HECTD4: variants seen among roughly 807,000 people sequenced by gnomAD.
HECTD4 encodes probable E3 ubiquitin-protein ligase HECTD4.
Under a neutral mutation model 471.5 loss-of-function variants are expected in HECTD4, and 114 were observed. The observed-to-expected ratio is 0.24, with a 90% CI of 0.21 to 0.28. The LOEUF (loss-of-function observed/expected upper bound fraction) is 0.28, where lower values mean the gene tolerates loss of function less well. Ranked by LOEUF, HECTD4 falls within the 10% of genes least tolerant of loss-of-function variation. The pLI, the probability that HECTD4 is intolerant of heterozygous loss-of-function variation, is 1.00. For synonymous variants in HECTD4, 2,012 were observed against 2,256.0 expected (o/e 0.89, Z 3.07); for missense variants, 3,866 against 5,651.5 (o/e 0.68, Z 10.13).
At chr12:112,207,567 A>T (rs1033570330) in intron 52 of HECTD4, among the ~76,000 whole-genome samples, 5 of 152,220 alleles carry the variant, frequency 3.3e-5, no homozygotes, top group African/African-American at 1.2e-4. Context: ...TCTCAAGTCC[A>T]CACAGCTGGT....
intron 19 of HECTD4, 198 bp from the exon 20 acceptor site, chr12:112,258,794 A>G (rs970743003): frequency 1.2e-5 from 7 of 561,790 alleles, no homozygotes; most frequent in Non-Finnish European, 1.8e-5. Context: ...CATTTATATT[A>G]GCTACTATTA....
chr12:112,181,929 T>G (rs1350144877), intron 62 of HECTD4, among the ~76,000 whole-genome samples: 1 of 151,482 alleles, frequency 6.6e-6, no homozygotes, highest in Non-Finnish European at 1.5e-5. Flanking sequence ...CCGTCTCTAC[T>G]AAAAATACAA....
intron 45 of HECTD4, among the ~76,000 whole-genome samples, chr12:112,219,097 T>TAA (rs934671632): frequency 6.9e-6 from 1 of 144,978 alleles, no homozygotes; most frequent in African/African-American, 2.5e-5. Flanking sequence ...TCTCTAAACT[T>TAA]AAAAAAAAAA....
At chr12:112,219,806 G>T (rs891966959) in intron 44 of HECTD4, among the ~76,000 whole-genome samples, 3 of 151,326 alleles carry the variant, frequency 2.0e-5, no homozygotes, top group Non-Finnish European at 4.4e-5. Context: ...CACCATGTTG[G>T]CCAGGCTGGT....
intron 1 of HECTD4, among the ~76,000 whole-genome samples, chr12:112,323,434 C>A (rs2035625120): frequency 1.3e-5 from 2 of 152,026 alleles, no homozygotes; most frequent in South Asian, 2.1e-4. Context: ...CTTATCAGAT[C>A]TGATGTAATA....
rs759588454 is a variant in HECTD4 at position 112,246,958 on chromosome 12, T to C, written c.4456A>G (p.Ile1486Val). 1.2e-6 allele frequency: 2 copies of C among 1,612,252 alleles called. No homozygotes were observed. Among genetic ancestry groups the C allele is most frequent in the Non-Finnish European group, 1.7e-6 (2 of 1,179,860 alleles). Reference protein sequence around the residue: ...NRAELLLHVTIAAQSGLTRSI... With the variant: ...NRAELLLHVTVAAQSGLTRSI... ...CTCGTGAGGCCCGACTGGGCTGCGA[T>C]GGTGACATGCAGCAACAGCTCGGCT... The change falls in exon 29 of 76, where the codon ATC (isoleucine) becomes GTC (valine). Residue 1486 changes from isoleucine (I) to valine (V), a missense_variant. Physicochemically the swap from Ile to Val is conservative, Grantham distance 29. Coordinates refer to ENST00000682272, the MANE Select transcript of HECTD4 (RefSeq NM_001388303.1).
intron 10 of HECTD4, among the ~76,000 whole-genome samples, chr12:112,274,629 C>G (rs2034487097): frequency 6.6e-6 from 1 of 152,088 alleles, no homozygotes; most frequent in South Asian, 2.1e-4. Context: ...ACTGCTTGAG[C>G]CCAGGAGGTA....
chr12:112,195,341 A>G (rs960640085), intron 55 of HECTD4, among the ~76,000 whole-genome samples: 1 of 152,268 alleles, frequency 6.6e-6, no homozygotes, highest in Non-Finnish European at 1.5e-5. Context: ...TCATAGTAGC[A>G]TTATTCCTAA....
chr12:112,204,575 T>A lies in HECTD4; in HGVS notation c.8180A>T (p.Asn2727Ile). ...RQTVEFLYEENGGIPRDLYLP... is the reference protein window; with the variant it reads ...RQTVEFLYEEIGGIPRDLYLP... The stretch of plus-strand genomic sequence containing the variant: ...ATAAAGGTCTCTTGGGATGCCACCA[T>A]TCTCTTCGTAGAGAAATTCAACCGT... The change falls in exon 53 of 76, where the codon AAT becomes ATT. Residue 2727 changes from asparagine (N) to isoleucine (I), a missense_variant. Transcript: ENST00000682272. The A allele has an allele frequency of 6.2e-7, 1 of 1,613,572 alleles. No homozygotes were observed. Among genetic ancestry groups the A allele is most frequent in the South Asian group, 1.1e-5 (1 of 91,070 alleles).
intron 17 of HECTD4, among the ~76,000 whole-genome samples, chr12:112,262,930 T>C (rs1458742137): frequency 6.6e-6 from 1 of 152,156 alleles, no homozygotes; most frequent in Non-Finnish European, 1.5e-5. Context: ...TTTAGTATTA[T>C]TGAGATTTTT....
chr12:112,262,106 C>A (rs923430701), intron 17 of HECTD4: 1 of 152,086 alleles, frequency 6.6e-6, no homozygotes, highest in African/African-American at 2.4e-5. Context: ...CAATTATTTT[C>A]AGTTAAAAAA....
Position 112,171,186 on chromosome 12 carries a change from G to A in HECTD4, c.11863C>T (p.Pro3955Ser). Residue 3955 changes from proline to serine, a missense_variant, in exon 68 of 76, where the codon CCC becomes TCC. This residue lies in a region of HECTD4 where 715 missense variants were observed against 1,087.6 expected (regional missense o/e 0.66). Transcript: ENST00000682272. ...GGTGTCTGGCGCAGCTCCACCAGGG[G>A]CAGGAAGAAGGTCTCCAGTGTGGTG... ...LNTTLETFFL[P>S]LVELRQTPMY... The A allele has an allele frequency of 6.2e-7, 1 of 1,613,436 alleles. No homozygotes were observed. Among genetic ancestry groups the A allele is most frequent in the Non-Finnish European group, 8.5e-7 (1 of 1,179,716 alleles).
At chr12:112,377,036 C>T (rs975171773) in intron 1 of HECTD4, among the ~76,000 whole-genome samples, 6 of 152,152 alleles carry the variant, frequency 3.9e-5, no homozygotes, top group African/African-American at 1.2e-4. Flanking sequence ...CGCCTCAACC[C>T]GGGAGGTGGA....
intron 70 of HECTD4, among the ~76,000 whole-genome samples, chr12:112,168,414 G>A (rs1420050024): frequency 6.6e-6 from 1 of 152,212 alleles, no homozygotes; most frequent in African/African-American, 2.4e-5. Context: ...GTGTGAATGT[G>A]CAAAGGGCAA....
intron 16 of HECTD4, 72 bp downstream of exon 16, chr12:112,265,103 C>G: frequency 1.5e-6 from 2 of 1,378,668 alleles, no homozygotes; most frequent in Non-Finnish European, 2.0e-6. Context: ...ATACACACAC[C>G]TGTCAATATA....
In HECTD4 at chr12:112,192,658, C is replaced by T. The variant is rs755487879; in HGVS notation, c.9194G>A (p.Arg3065Gln). 8.7e-6 allele frequency: 14 copies of T among 1,607,126 alleles called. No homozygotes were observed. The highest frequency in any genetic ancestry group is 6.8e-5 in the Admixed American group (4 of 58,920). Residue 3065 changes from arginine to glutamine, a missense_variant, in exon 59 of 76, where the codon CGG becomes CAG. Physicochemically the swap from Arg to Gln is conservative, Grantham distance 43 (BLOSUM62 1). Coordinates refer to ENST00000682272, the MANE Select transcript of HECTD4 (RefSeq NM_001388303.1). ...LNLIEAACYPRDASPANTGLA... is the reference protein window; with the variant it reads ...LNLIEAACYPQDASPANTGLA... ...CCCAGTGTTGGCTGGGGACGCGTCC[C>T]GCGGGTAACAGGCGGCCTCGATGAG...
At chr12:112,260,579 A>AT (rs1170545268) in intron 18 of HECTD4, among the ~76,000 whole-genome samples, 4,558 of 144,042 alleles carry the variant, frequency 0.032, 92 homozygotes, top group Middle Eastern at 0.075. Context: ...CCAGAGCAGA[A>AT]TTTTTTTTTT....
At chr12:112,234,606 G>T (rs961314031) in intron 37 of HECTD4, among the ~76,000 whole-genome samples, 2 of 152,138 alleles carry the variant, frequency 1.3e-5, no homozygotes, top group Non-Finnish European at 2.9e-5. Context: ...TTCTTCTTGA[G>T]TAATCACACC....
intron 7 of HECTD4, among the ~76,000 whole-genome samples, chr12:112,290,135 A>G (rs149569944): frequency 1.6e-3 from 239 of 152,190 alleles, no homozygotes; most frequent in Admixed American, 2.6e-3. Context: ...AACCTGGGCA[A>G]CATGGTGAAA....
Sources: allele counts gnomAD v4.1 joint callset (sites outside exome capture counted in the v4.1 genomes callset), GRCh38; gene constraint gnomAD v4.1.1; regional missense constraint gnomAD v4.1.1; transcripts MANE v1.5; gene names NCBI Gene and HGNC (gene_info 2026-07-23, HGNC 2026-07-21).